Variants in KIF18A observed in about 807,000 individuals in gnomAD.
KIF18A encodes the protein kinesin family member 18A.
A neutral mutation model predicts 103.3 loss-of-function variants in KIF18A; 67 were observed. The ratio of observed to expected loss-of-function variants is 0.65; its 90% CI spans 0.53 to 0.79. KIF18A has a LOEUF of 0.79. Among genes scored for constraint, KIF18A ranks in the 30% least tolerant of loss-of-function variants. The pLI is 0.00. For synonymous variants in KIF18A, 367 were observed against 355.5 expected (o/e 1.03, Z -0.36); for missense variants, 1,032 against 1,062.5 (o/e 0.97, Z 0.40).
chr11:28,097,546 A>G lies in KIF18A; in HGVS notation c.325+77T>C, dbSNP rs762540175. On this transcript the variant is annotated intron_variant, in intron 2 of 16. Coordinates refer to ENST00000263181, the MANE Select transcript of KIF18A (RefSeq NM_031217.4). Reference sequence around the variant, plus strand: ...GCTCCTTAAATTTGATTATATTTAGAAGGGTCAAGTAGATGTCCGTCCTAA... The same window carrying G: ...GCTCCTTAAATTTGATTATATTTAGGAGGGTCAAGTAGATGTCCGTCCTAA... 4.4e-6 allele frequency: 4 copies of G among 913,674 alleles called. No individual in the cohort carries two copies. In the African/African-American group the frequency reaches 4.9e-5, roughly 11 times the overall value. 56.6% of individuals were successfully genotyped at this position (913,674 alleles called of 1,614,324 possible).
intron 1 of KIF18A, among the ~76,000 whole-genome samples, chr11:28,102,986 G>A (rs1424408259): frequency 1.3e-5 from 2 of 152,062 alleles, no homozygotes; most frequent in Admixed American, 6.5e-5. Context: ...CGTTATCTGC[G>A]CAAGAATGTG....
chr11:28,076,935 G>GAAAAAAAAAAAAAAAAAAAAAAAAAA (rs11433506), intron 10 of KIF18A, 72 bp downstream of exon 10: 1 of 279,646 alleles, frequency 3.6e-6, no homozygotes, highest in Non-Finnish European at 5.1e-6. Context: ...GACTCCTTCT[G>GAAAAAAAAAAAAAAAAAAAAAAAAAA]AAAAAAAAAA....
At position 28,077,029 on chromosome 11, in the gene KIF18A, C is replaced by T. The variant is rs1851102406; in HGVS notation, c.1403G>A (p.Cys468Tyr). ...QQCHKQIEMMCSEDKVEKATG... is the reference protein window; with the variant it reads ...QQCHKQIEMMYSEDKVEKATG... Reference sequence around the variant, plus strand: ...TACCTTTTCTACTTTGTCTTCAGAACACATCATTTCTATTTGTTTATGGCA... The same window carrying T: ...TACCTTTTCTACTTTGTCTTCAGAATACATCATTTCTATTTGTTTATGGCA... The change falls in exon 10 of 17, where the codon TGT (cysteine) becomes TAT (tyrosine). Residue 468 changes from cysteine to tyrosine, a missense_variant. Physicochemically the swap from Cys to Tyr is radical, Grantham distance 194. Transcript: ENST00000263181. The T allele has an allele frequency of 6.6e-7, 1 of 1,504,450 alleles. No homozygotes were observed. Among genetic ancestry groups the T allele is most frequent in the Admixed American group, 2.1e-5 (1 of 46,984 alleles). 93.2% of individuals were successfully genotyped at this position (1,504,450 alleles called of 1,614,324 possible).
chr11:28,036,657 A>T lies in KIF18A; in HGVS notation c.1956T>A (p.Ser652=), dbSNP rs1457571224. ...TCTTAACCAGATTAGTTCCACCTGAAGATGAGCCTATTCAAAAAAATAAAA... is the reference window on the plus strand; with the variant it reads ...TCTTAACCAGATTAGTTCCACCTGATGATGAGCCTATTCAAAAAAATAAAA... The part of the protein sequence containing the change: ...GPVQPIPCCS[S]SGGTNLVKIP... The change falls in exon 14 of 17, where the codon TCT becomes TCA. Residue 652 remains serine, a synonymous_variant. Transcript: ENST00000263181. 2.2e-5 allele frequency: 34 copies of T among 1,568,132 alleles called. No individual in the cohort carries two copies. Among genetic ancestry groups the T allele is most frequent in the Non-Finnish European group, 2.9e-5 (34 of 1,155,210 alleles).
intron 11 of KIF18A, among the ~76,000 whole-genome samples, chr11:28,064,908 G>T (rs766287078): frequency 6.6e-6 from 1 of 152,120 alleles, no homozygotes; most frequent in Non-Finnish European, 1.5e-5. Flanking sequence ...GCCAGACCAT[G>T]CTAGGCTTGG....
chr11:28,063,739 C>A (rs1297620975), intron 11 of KIF18A, among the ~76,000 whole-genome samples: 1 of 151,882 alleles, frequency 6.6e-6, no homozygotes, highest in East Asian at 1.9e-4. Flanking sequence ...AAGACAGGAA[C>A]CCCATATGCA....
intron 9 of KIF18A, among the ~76,000 whole-genome samples, chr11:28,081,863 A>G (rs1851169794): frequency 6.6e-6 from 1 of 152,174 alleles, no homozygotes; most frequent in African/African-American, 2.4e-5. Flanking sequence ...GCCATTAAGA[A>G]CATTTGTGAT....
At chr11:28,047,561 T>C (rs951324250) in intron 13 of KIF18A, among the ~76,000 whole-genome samples, 12 of 152,290 alleles carry the variant, frequency 7.9e-5, no homozygotes, top group Admixed American at 7.9e-4. Context: ...CATTATTTTA[T>C]AATTTGTTGC....
At position 28,022,609 on chromosome 11, in the gene KIF18A, A is replaced by G. The variant is rs1025205156; in HGVS notation, c.2614+1132T>C. On this transcript the variant is annotated intron_variant, in intron 16 of 16. Coordinates refer to ENST00000263181, the MANE Select transcript of KIF18A (RefSeq NM_031217.4). ...AAATTTATTATTTGGCTGTAGAATT[A>G]TGATTCTTGAAGAACTTTTTAAGAA... Among the ~76,000 whole-genome samples the G allele has an allele frequency of 6.6e-5, 10 of 152,208 alleles. 1 individual carries two copies. Among genetic ancestry groups the G allele is most frequent in the Non-Finnish European group, 1.2e-4 (8 of 68,032 alleles).
intron 4 of KIF18A, among the ~76,000 whole-genome samples, chr11:28,091,099 T>C (rs1851294614): frequency 6.6e-6 from 1 of 151,106 alleles, no homozygotes; most frequent in African/African-American, 2.4e-5. Flanking sequence ...ATACAAAAAT[T>C]AGCCAGTCTC....
intron 13 of KIF18A, among the ~76,000 whole-genome samples, chr11:28,058,384 A>T (rs986084506): frequency 6.6e-6 from 1 of 151,024 alleles, no homozygotes; most frequent in Admixed American, 6.6e-5. Context: ...TAGGCACAGC[A>T]GCTCATGCCT....
intron 16 of KIF18A, among the ~76,000 whole-genome samples, chr11:28,021,968 A>C (rs191607825): frequency 6.6e-6 from 1 of 152,186 alleles, no homozygotes; most frequent in Non-Finnish European, 1.5e-5. Flanking sequence ...TATTTCTCTA[A>C]CTGCTAAGTT....
chr11:28,045,921 C>G (rs1426249384), intron 13 of KIF18A, among the ~76,000 whole-genome samples: 1 of 151,532 alleles, frequency 6.6e-6, no homozygotes, highest in Non-Finnish European at 1.5e-5. Context: ...GACATTTATG[C>G]AGCCAAAAAA....
chr11:28,046,198 A>G (rs938488335), intron 13 of KIF18A, among the ~76,000 whole-genome samples: 16 of 152,096 alleles, frequency 1.1e-4, no homozygotes, highest in African/African-American at 3.6e-4. Flanking sequence ...TACTGGGTAT[A>G]TATACCCAAA....
At chr11:28,058,533 T>C (rs1850812537) in intron 13 of KIF18A, among the ~76,000 whole-genome samples, 1 of 138,714 alleles carries the variant, frequency 7.2e-6, no homozygotes. Context: ...TGGTGGTGCA[T>C]GCCTGTAATT....
At chr11:28,084,584 C>T in intron 7 of KIF18A, 48 bp downstream of exon 7, 2 of 1,376,260 alleles carry the variant, frequency 1.5e-6, no homozygotes, top group South Asian at 2.6e-5. Context: ...TTATAAAAAT[C>T]ATATGCAGAC....
chr11:28,064,233 G>A lies in KIF18A; in HGVS notation c.1591-1717C>T, dbSNP rs147612645. 2.7e-3 allele frequency among the ~76,000 whole-genome samples: 416 copies of A among 151,738 alleles called. 3 individuals carry two copies. Among genetic ancestry groups the A allele is most frequent in the East Asian group, 0.025 (127 of 5,158 alleles). ...TTTTAGAAAAAAATTTATCTTTATG[G>A]AGGCAGGACGATACGGCTAGAGTCA... is the stretch of plus-strand genomic sequence containing the variant. On this transcript the variant is annotated intron_variant, in intron 11 of 16. Coordinates refer to ENST00000263181, the MANE Select transcript of KIF18A (RefSeq NM_031217.4).
At chr11:28,035,538 G>A in intron 14 of KIF18A, 44 bp from the exon 15 acceptor site, 1 of 1,163,432 alleles carries the variant, frequency 8.6e-7, no homozygotes, top group Non-Finnish European at 1.2e-6. Flanking sequence ...ATTTTGATTT[G>A]AACTATGAAG....
intron 11 of KIF18A, among the ~76,000 whole-genome samples, chr11:28,067,428 C>G (rs1451984831): frequency 6.6e-6 from 1 of 152,056 alleles, no homozygotes; most frequent in Non-Finnish European, 1.5e-5. Context: ...GAACTGTCAT[C>G]ATTAACTACT....
Sources: gnomAD v4.1 joint callset for allele counts (sites outside exome capture counted in the v4.1 genomes callset) on GRCh38, gnomAD v4.1.1 for gene constraint, MANE v1.5 for transcripts, NCBI Gene and HGNC (gene_info 2026-07-23, HGNC 2026-07-21) for gene names.